The following EMC2 variants were observed in gnomAD, a reference collection of about 807,000 sequenced individuals.
EMC2 encodes the protein ER membrane protein complex subunit 2, also known as TPR repeat protein 35.
In EMC2, 37 loss-of-function variants were observed where a neutral mutation model predicts 51.6. That is an observed-to-expected ratio of 0.72 (90% CI 0.55 to 0.94). The LOEUF is 0.94. Ranked by LOEUF, EMC2 falls within the 40% of genes least tolerant of loss-of-function variation. EMC2 has a pLI of 0.00. For missense variants in EMC2, 359 were observed against 350.9 expected (o/e 1.02, Z -0.18); for synonymous variants, 131 against 112.4 (o/e 1.17, Z -1.04).
At position 108,486,973 on chromosome 8, in the gene EMC2, A is replaced by G. The variant is rs1174714944; in HGVS notation, c.*375A>G. 6.4e-6 allele frequency: 1 copy of G among 155,964 alleles called. No individual in the cohort carries two copies. The highest frequency in any genetic ancestry group is 1.4e-5 in the Non-Finnish European group (1 of 70,778). The allele number at this position is 155,964 out of a possible 1,614,324, so 9.7% of individuals were successfully genotyped here. A position where few individuals can be genotyped will look rare whatever the true frequency, so the allele number is the denominator to read the frequency against. ...CTCACAGTGGATATATTGTTTAAGA[A>G]CTCAGTTTCTAGTTAACTCCTTACT... On this transcript the variant is annotated 3_prime_UTR_variant, in exon 11 of 11. Coordinates refer to ENST00000220853, the MANE Select transcript of EMC2 (RefSeq NM_014673.5).
At chr8:108,465,269 A>G (rs1819440361) in intron 5 of EMC2, among the ~76,000 whole-genome samples, 1 of 152,174 alleles carries the variant, frequency 6.6e-6, no homozygotes, top group African/African-American at 2.4e-5. Flanking sequence ...GGAAAATCTT[A>G]CAGGAGCATG....
chr8:108,454,272 C>G (rs552561878), intron 4 of EMC2, among the ~76,000 whole-genome samples: 40 of 151,926 alleles, frequency 2.6e-4, no homozygotes, highest in Non-Finnish European at 4.9e-4. Flanking sequence ...ATTGATTGCT[C>G]TTGTTATTTT....
intron 4 of EMC2, among the ~76,000 whole-genome samples, chr8:108,453,819 A>C (rs555354241): frequency 6.6e-6 from 1 of 152,236 alleles, no homozygotes; most frequent in African/African-American, 2.4e-5. Flanking sequence ...GGAGTATGGA[A>C]GTCTCCAACT....
chr8:108,479,073 C>T lies in EMC2; in HGVS notation c.770C>T (p.Ala257Val). 6.3e-7 allele frequency: 1 copy of T among 1,585,620 alleles called. No individual in the cohort carries two copies. Among genetic ancestry groups the T allele is most frequent in the Non-Finnish European group, 8.6e-7 (1 of 1,165,236 alleles). ...ACGAAAAAGGACAACATGAAATATG[C>T]TAGTTGGGCAGCTAGTCAAATAAAC... ...AKTKKDNMKY[A>V]SWAASQINRA... Residue 257 changes from alanine to valine, a missense_variant, in exon 10 of 11, where the codon GCT (alanine) becomes GTT (valine). Transcript: ENST00000220853.
At chr8:108,445,527 T>C (rs563380767) in intron 1 of EMC2, among the ~76,000 whole-genome samples, 42 of 151,538 alleles carry the variant, frequency 2.8e-4, no homozygotes, top group Non-Finnish European at 5.3e-4. Flanking sequence ...CCCACAAAGC[T>C]CACCTACTAC....
chr8:108,462,443 C>T (rs1023751339), intron 5 of EMC2, among the ~76,000 whole-genome samples: 16 of 152,212 alleles, frequency 1.1e-4, no homozygotes, highest in African/African-American at 3.6e-4. Flanking sequence ...TCTGATATTT[C>T]CTCTCAGAAA....
intron 10 of EMC2, among the ~76,000 whole-genome samples, chr8:108,480,048 G>A (rs1276826191): frequency 6.6e-6 from 1 of 151,964 alleles, no homozygotes; most frequent in Non-Finnish European, 1.5e-5. Context: ...TTGTTTTATT[G>A]ATTATTCTTG....
intron 2 of EMC2, 21 bp downstream of exon 2, chr8:108,449,957 C>A: frequency 4.5e-6 from 5 of 1,105,794 alleles, no homozygotes; most frequent in African/African-American, 1.6e-5. Flanking sequence ...TTATTACATT[C>A]AGGCTCAGTA....
Position 108,466,556 on chromosome 8 carries a change from G to A in EMC2, c.364-3270G>A, listed in dbSNP as rs527330397. On this transcript the variant is annotated intron_variant, in intron 5 of 10. Coordinates refer to ENST00000220853, the MANE Select transcript of EMC2 (RefSeq NM_014673.5). Reference sequence around the variant, plus strand: ...TAACCTCTGACTCCTGGGCTCAAGCGATCTCCCACCTCAGCTTCCTGATTA... The same window carrying A: ...TAACCTCTGACTCCTGGGCTCAAGCAATCTCCCACCTCAGCTTCCTGATTA... 2.9e-3 allele frequency among the ~76,000 whole-genome samples: 432 copies of A among 147,460 alleles called. 2 individuals are homozygous for A. The highest frequency in any genetic ancestry group is 4.7e-3 in the Admixed American group (67 of 14,386).
intron 10 of EMC2, among the ~76,000 whole-genome samples, chr8:108,484,502 G>A (rs1462593707): frequency 3.3e-5 from 5 of 151,848 alleles, no homozygotes; most frequent in Admixed American, 3.3e-4. Flanking sequence ...AGATCACACT[G>A]TATTATTTTT....
chr8:108,447,783 A>G (rs913749827), intron 1 of EMC2, among the ~76,000 whole-genome samples: 25 of 152,176 alleles, frequency 1.6e-4, no homozygotes, highest in Non-Finnish European at 2.9e-5. Flanking sequence ...CTTACATAGT[A>G]TGTAATAAAA....
At chr8:108,483,008 T>C in intron 10 of EMC2, among the ~76,000 whole-genome samples, 1 of 152,078 alleles carries the variant, frequency 6.6e-6, no homozygotes, top group East Asian at 1.9e-4. Flanking sequence ...TAGTTCAATG[T>C]AGTAAAGAGA....
intron 2 of EMC2, 63 bp downstream of exon 2, chr8:108,449,999 T>TA: frequency 3.5e-6 from 2 of 574,672 alleles, no homozygotes; most frequent in Non-Finnish European, 6.1e-6. Context: ...TTTTTTTTTT[T>TA]AACTGTTCTT....
intron 4 of EMC2, among the ~76,000 whole-genome samples, chr8:108,454,514 G>A (rs185111317): frequency 1.6e-4 from 25 of 151,986 alleles, no homozygotes; most frequent in East Asian, 3.9e-4. Context: ...CTTCTCTTTC[G>A]TCATTTGTAA....
intron 4 of EMC2, 52 bp downstream of exon 4, chr8:108,453,199 G>T: frequency 2.8e-6 from 3 of 1,076,038 alleles, no homozygotes; most frequent in South Asian, 1.5e-5. Context: ...TCATGGTGGT[G>T]TTAATTTTTT....
At chr8:108,486,433 T>A in intron 10 of EMC2, 79 bp from the exon 11 acceptor site, 1 of 1,444,110 alleles carries the variant, frequency 6.9e-7, no homozygotes, top group Non-Finnish European at 9.1e-7. Context: ...TAAGTTTCAT[T>A]AACAGTGTGA....
chr8:108,472,657 A>G (rs1315580659), intron 7 of EMC2, among the ~76,000 whole-genome samples: 1 of 151,808 alleles, frequency 6.6e-6, no homozygotes, highest in Non-Finnish European at 1.5e-5. Flanking sequence ...TTCATTTGAC[A>G]TGTTTGAGCA....
chr8:108,475,303 A>G (rs1411906262), intron 7 of EMC2: 1 of 152,040 alleles, frequency 6.6e-6, no homozygotes, highest in Non-Finnish European at 1.5e-5. Flanking sequence ...ATAATAGTAC[A>G]GTATATATCA....
chr8:108,463,348 C>G (rs998687880), intron 5 of EMC2, among the ~76,000 whole-genome samples: 1 of 152,056 alleles, frequency 6.6e-6, no homozygotes, highest in Non-Finnish European at 1.5e-5. Context: ...GGGCTACTGT[C>G]AGCCTTTATT....
Sources: gnomAD v4.1 joint callset for allele counts (sites outside exome capture counted in the v4.1 genomes callset) on GRCh38, gnomAD v4.1.1 for gene constraint, MANE v1.5 for transcripts, NCBI Gene and HGNC (gene_info 2026-07-23, HGNC 2026-07-21) for gene names.